The following ANO2 variants were observed in gnomAD, a reference collection of about 807,000 sequenced individuals.
ANO2 encodes anoctamin-2.
Under a neutral mutation model 124.2 loss-of-function variants are expected in ANO2, and 101 were observed. The ratio of observed to expected loss-of-function variants is 0.81; its 90% CI spans 0.69 to 0.96. The LOEUF is 0.96. Among genes scored for constraint, ANO2 ranks in the 40% least tolerant of loss-of-function variants. The probability of loss-of-function intolerance (pLI) is 0.00; values close to 1 mark genes in which losing one functional copy is unlikely to be tolerated. For missense variants in ANO2, 1,293 were observed against 1,274.5 expected (o/e 1.01, Z -0.22); for synonymous variants, 486 against 482.5 (o/e 1.01, Z -0.09).
Position 5,563,421 on chromosome 12 carries a change from G to T in ANO2, c.2875C>A (p.Pro959Thr), listed in dbSNP as rs1352640183. The T allele has an allele frequency of 1.9e-6, 3 of 1,612,454 alleles. No homozygotes were observed. Among genetic ancestry groups the T allele is most frequent in the Non-Finnish European group, 2.5e-6 (3 of 1,179,338 alleles). ...EHEKLKLMDE[P>T]ALRSPGGGDR... ...CCACCTCCTGGGCTCCTCAGAGCCG[G>T]CTCATCCATCAGCTTGAGCTTCTCA... The change falls in exon 25 of 25, where the codon CCG becomes ACG. Residue 959 changes from proline (P) to threonine (T), a missense_variant. Transcript: ENST00000682330.
intron 14 of ANO2, among the ~76,000 whole-genome samples, chr12:5,725,124 C>CACACAT (rs1555147523): frequency 0.011 from 1,682 of 148,458 alleles, 32 homozygotes; most frequent in African/African-American, 0.038. Flanking sequence ...CACACACACA[C>CACACAT]GCAAACACAA....
At chr12:5,673,489 TCA>T (rs1343363764) in intron 14 of ANO2, among the ~76,000 whole-genome samples, 1 of 152,224 alleles carries the variant, frequency 6.6e-6, no homozygotes, top group African/African-American at 2.4e-5. Flanking sequence ...ACCTTTTTTC[TCA>T]TAGATCACGG....
intron 5 of ANO2, among the ~76,000 whole-genome samples, chr12:5,832,099 G>A (rs1954170586): frequency 6.6e-6 from 1 of 152,150 alleles, no homozygotes; most frequent in Non-Finnish European, 1.5e-5. Context: ...TATTAGACTG[G>A]CAATTGGGCA....
chr12:5,758,613 C>G (rs138276524), intron 10 of ANO2, among the ~76,000 whole-genome samples: 1 of 152,274 alleles, frequency 6.6e-6, no homozygotes, highest in African/African-American at 2.4e-5. Flanking sequence ...CACTCCAGGG[C>G]TCACACAAAG....
Position 5,744,307 on chromosome 12 carries a change from A to C in ANO2, c.1201T>G (p.Cys401Gly), listed in dbSNP as rs1754556565. 1.9e-6 allele frequency: 3 copies of C among 1,613,834 alleles called. No homozygotes were observed. Among genetic ancestry groups the C allele is most frequent in the Non-Finnish European group, 2.5e-6 (3 of 1,179,866 alleles). The change falls in exon 12 of 25, where the codon TGT (cysteine) becomes GGT (glycine). Residue 401 changes from cysteine (C) to glycine (G), a missense_variant. Transcript: ENST00000682330. The part of the protein sequence containing the change: ...IEEDIPSREM[C>G]DQQNAFTMCP... ...ATGGTGAAGGCATTCTGCTGGTCAC[A>C]CATCTCTCTGCTGCAATAGATGGAG...
intron 20 of ANO2, among the ~76,000 whole-genome samples, 166 bp downstream of exon 20, chr12:5,599,318 C>T (rs981587762): frequency 6.6e-6 from 1 of 152,194 alleles, no homozygotes; most frequent in African/African-American, 2.4e-5. Flanking sequence ...CCCCATTCTT[C>T]TCAACTTTCA....
chr12:5,623,654 C>T (rs772333812), intron 16 of ANO2, among the ~76,000 whole-genome samples: 1 of 152,162 alleles, frequency 6.6e-6, no homozygotes, highest in East Asian at 1.9e-4. Context: ...CAGGAGAGGA[C>T]GCCAGCTGCA....
At chr12:5,929,988 AGTCTACCTTCTTTCCTCACTC>A (rs1942281827) in intron 1 of ANO2, among the ~76,000 whole-genome samples, 1 of 144,768 alleles carries the variant, frequency 6.9e-6, no homozygotes, top group African/African-American at 2.7e-5. Flanking sequence ...CTTCCTTACT[AGTCTACCTTCTTTCCTCACTC>A]GTCTACCTTC....
At chr12:5,655,331 T>C (rs747974485) in intron 14 of ANO2, among the ~76,000 whole-genome samples, 16 of 152,212 alleles carry the variant, frequency 1.1e-4, no homozygotes, top group Non-Finnish European at 2.2e-4. Context: ...TTCTCCTTTA[T>C]CTTAAAACTG....
intron 11 of ANO2, among the ~76,000 whole-genome samples, chr12:5,745,406 G>T (rs1306804801): frequency 6.6e-6 from 1 of 152,160 alleles, no homozygotes; most frequent in Admixed American, 6.5e-5. Flanking sequence ...GGAGGCAGGG[G>T]ATCCAGCACT....
chr12:5,672,674 G>A (rs1269538888), intron 14 of ANO2, among the ~76,000 whole-genome samples: 1 of 152,142 alleles, frequency 6.6e-6, no homozygotes, highest in Non-Finnish European at 1.5e-5. Flanking sequence ...TAAGAAAGTA[G>A]ACAAAGCAGA....
intron 15 of ANO2, among the ~76,000 whole-genome samples, chr12:5,638,238 T>G (rs1194808836): frequency 1.4e-5 from 1 of 73,782 alleles, no homozygotes; most frequent in African/African-American, 4.5e-5. Flanking sequence ...TTTCTTTTCC[T>G]TTTTTTTTTT....
intron 12 of ANO2, chr12:5,741,172 G>C (rs1176907665): frequency 6.6e-6 from 1 of 152,244 alleles, no homozygotes; most frequent in Non-Finnish European, 1.5e-5. Flanking sequence ...GACACTTCAT[G>C]TTTGTGATGT....
intron 19 of ANO2, among the ~76,000 whole-genome samples, chr12:5,601,236 T>G (rs544134222): frequency 1.3e-5 from 2 of 152,110 alleles, no homozygotes; most frequent in African/African-American, 4.8e-5. Flanking sequence ...GCTTGATACA[T>G]GTTAAGAGCA....
At chr12:5,599,447 C>T (rs1207228986) in intron 20 of ANO2, 37 bp downstream of exon 20, 16 of 1,576,040 alleles carry the variant, frequency 1.0e-5, no homozygotes, top group Non-Finnish European at 1.3e-5. Context: ...CTTGTCTGAA[C>T]CTGCCCCCAG....
chr12:5,639,250 T>C (rs970621562), intron 15 of ANO2, among the ~76,000 whole-genome samples: 4 of 152,176 alleles, frequency 2.6e-5, no homozygotes, highest in African/African-American at 9.7e-5. Context: ...AGTATAAAAA[T>C]ACAGGCACGC....
intron 10 of ANO2, among the ~76,000 whole-genome samples, chr12:5,793,036 T>G (rs7311810): frequency 0.3 from 45,397 of 151,988 alleles, 7,036 homozygotes; most frequent in African/African-American, 0.35. Flanking sequence ...ACGCAGAAAG[T>G]CCTAGGAGTA....
At chr12:5,788,246 C>T (rs567976354) in intron 10 of ANO2, among the ~76,000 whole-genome samples, 2 of 152,348 alleles carry the variant, frequency 1.3e-5, no homozygotes, top group African/African-American at 4.8e-5. Flanking sequence ...ACAGAGCTTT[C>T]CCATTCAACC....
chr12:5,573,052 C>A (rs1257052182), intron 23 of ANO2, among the ~76,000 whole-genome samples: 1 of 152,074 alleles, frequency 6.6e-6, no homozygotes, highest in African/African-American at 2.4e-5. Context: ...CTGAGTAGCA[C>A]CCATTTGCCT....
Sources: allele counts gnomAD v4.1 joint callset (sites outside exome capture counted in the v4.1 genomes callset), GRCh38; gene constraint gnomAD v4.1.1; transcripts MANE v1.5; gene names NCBI Gene and HGNC (gene_info 2026-07-23, HGNC 2026-07-21).